ASTN1: variants seen among roughly 807,000 people sequenced by gnomAD.
ASTN1 encodes the protein astrotactin-1.
A neutral mutation model predicts 140.7 loss-of-function variants in ASTN1; 41 were observed. That is an observed-to-expected ratio of 0.29 (90% confidence interval 0.23 to 0.38). ASTN1 has a LOEUF of 0.38. ASTN1 is among the 10% of genes least tolerant of loss of function. The pLI is 1.00. For synonymous variants in ASTN1, 640 were observed against 652.2 expected (o/e 0.98, Z 0.29); for missense variants, 1,479 against 1,678.8 (o/e 0.88, Z 2.08).
intron 9 of ASTN1, among the ~76,000 whole-genome samples, chr1:176,963,547 C>T (rs557143912): frequency 6.6e-6 from 1 of 152,310 alleles, no homozygotes; most frequent in South Asian, 2.1e-4. Flanking sequence ...CTGGCCCCCA[C>T]TATAGTGCTT....
intron 21 of ASTN1, among the ~76,000 whole-genome samples, chr1:176,871,000 G>C (rs146106982): frequency 3.3e-5 from 5 of 152,310 alleles, no homozygotes; most frequent in African/African-American, 1.2e-4. Flanking sequence ...GGGTGAGATG[G>C]AGTCAAAACT....
In ASTN1 at chr1:177,036,912, C is replaced by T. The variant is rs567793506; in HGVS notation, c.472-4063G>A. Among the ~76,000 whole-genome samples, 6 of 152,174 alleles carry T rather than the reference C, an allele frequency of 3.9e-5. No individual in the cohort carries two copies. The South Asian group carries it at 1.2e-3, about 32-fold the overall frequency. On this transcript the variant is annotated intron_variant, in intron 2 of 22. Coordinates refer to ENST00000361833, the MANE Select transcript of ASTN1 (RefSeq NM_004319.3). ...TTGGCCCACTGCAACCTCCATCTCC[C>T]ATGTTCAAGTGATTCTCTCACCTCA...
At chr1:176,991,436 C>CAAAAAAAAAAAAAAAAAAAAAAAAAAACA (rs1173420812) in intron 8 of ASTN1, among the ~76,000 whole-genome samples, 3 of 13,826 alleles carry the variant, frequency 2.2e-4, no homozygotes, top group Admixed American at 9.6e-4. Flanking sequence ...AAAAAAAAAC[C>CAAAAAAAAAAAAAAAAAAAAAAAAAAACA]AAAAAAAAAA....
At chr1:176,907,367 A>T (rs1031087686) in intron 16 of ASTN1, among the ~76,000 whole-genome samples, 1 of 152,240 alleles carries the variant, frequency 6.6e-6, no homozygotes, top group African/African-American at 2.4e-5. Context: ...TAATATCATT[A>T]CTGTTTGGTA....
chr1:176,987,028 T>A (rs1257971683), intron 8 of ASTN1, among the ~76,000 whole-genome samples: 1 of 152,152 alleles, frequency 6.6e-6, no homozygotes, highest in Non-Finnish European at 1.5e-5. Flanking sequence ...GAGACACTTC[T>A]GGTTGTTACA....
chr1:177,102,471 G>A (rs1430250381), intron 1 of ASTN1, among the ~76,000 whole-genome samples: 1 of 152,090 alleles, frequency 6.6e-6, no homozygotes, highest in East Asian at 1.9e-4. Context: ...ACCCTTTGCA[G>A]AAATGTCTGC....
At position 177,038,504 on chromosome 1, in the gene ASTN1, G is replaced by A. The variant is rs536488719; in HGVS notation, c.472-5655C>T. ...AGGAAGGAAAGAAGGAAGGGAAGGAGGGAAGCAAAGAGGGAGGAAGAGAAG... is the reference window on the plus strand; with the variant it reads ...AGGAAGGAAAGAAGGAAGGGAAGGAAGGAAGCAAAGAGGGAGGAAGAGAAG... On this transcript the variant is annotated intron_variant, in intron 2 of 22. Transcript: ENST00000361833. 2.6e-5 allele frequency among the ~76,000 whole-genome samples: 4 copies of A among 152,008 alleles called. No homozygotes were observed. In the East Asian group the frequency reaches 7.7e-4, roughly 29 times the overall value.
intron 8 of ASTN1, among the ~76,000 whole-genome samples, chr1:176,977,077 G>C (rs957958893): frequency 1.3e-5 from 2 of 152,180 alleles, no homozygotes; most frequent in African/African-American, 4.8e-5. Context: ...ATAAGGGACA[G>C]GATGTACAAT....
chr1:176,884,299 C>T, intron 19 of ASTN1, 40 bp downstream of exon 19: 1 of 1,590,452 alleles, frequency 6.3e-7, no homozygotes, highest in Non-Finnish European at 8.6e-7. Context: ...AGTTTTATCA[C>T]CTTGGATCAA....
chr1:177,099,563 G>C (rs1013679771), intron 1 of ASTN1, among the ~76,000 whole-genome samples: 1 of 152,042 alleles, frequency 6.6e-6, no homozygotes, highest in Admixed American at 6.6e-5. Context: ...GAATTTTTCT[G>C]AATGAATAAA....
chr1:176,872,903 A>G (rs1193078263), intron 21 of ASTN1, among the ~76,000 whole-genome samples: 1 of 152,128 alleles, frequency 6.6e-6, no homozygotes, highest in Non-Finnish European at 1.5e-5. Flanking sequence ...ATGTATCTCC[A>G]TAACACGTAT....
At chr1:177,118,763 T>A (rs1681227210) in intron 1 of ASTN1, among the ~76,000 whole-genome samples, 1 of 152,036 alleles carries the variant, frequency 6.6e-6, no homozygotes, top group Non-Finnish European at 1.5e-5. Context: ...GAAATGCAGG[T>A]ATATAGGTAA....
intron 21 of ASTN1, among the ~76,000 whole-genome samples, chr1:176,873,626 A>G (rs777375278): frequency 1.3e-4 from 20 of 152,200 alleles, no homozygotes; most frequent in Admixed American, 6.5e-4. Flanking sequence ...GACAAAGCAT[A>G]TGGTATTTTG....
intron 1 of ASTN1, among the ~76,000 whole-genome samples, chr1:177,106,011 A>G (rs964652430): frequency 6.6e-6 from 1 of 152,114 alleles, no homozygotes; most frequent in African/African-American, 2.4e-5. Flanking sequence ...AACAAAAACG[A>G]AAACAAAAAC....
At chr1:176,990,817 C>A (rs1259875050) in intron 8 of ASTN1, among the ~76,000 whole-genome samples, 4 of 152,122 alleles carry the variant, frequency 2.6e-5, no homozygotes, top group Non-Finnish European at 5.9e-5. Context: ...TAATAAATAT[C>A]AACATCACAT....
intron 14 of ASTN1, among the ~76,000 whole-genome samples, chr1:176,940,058 A>G (rs1176937289): frequency 2.0e-5 from 3 of 152,212 alleles, no homozygotes; most frequent in Admixed American, 1.3e-4. Flanking sequence ...CTAAACCTTC[A>G]CACAGATTTA....
intron 1 of ASTN1, among the ~76,000 whole-genome samples, chr1:177,161,350 C>A (rs1040435218): frequency 2.0e-5 from 3 of 152,236 alleles, no homozygotes; most frequent in Admixed American, 6.5e-5. Flanking sequence ...CCACCAAATG[C>A]CTTTGCTCAT....
At chr1:177,101,123 C>T (rs1190123775) in intron 1 of ASTN1, among the ~76,000 whole-genome samples, 1 of 152,032 alleles carries the variant, frequency 6.6e-6, no homozygotes, top group African/African-American at 2.4e-5. Context: ...AAAGTGAAAA[C>T]CTAGCTTTGG....
Position 176,965,201 on chromosome 1 carries a change from G to A in ASTN1, c.1560C>T (p.Asp520=), listed in dbSNP as rs1317823997. 2 of 1,613,998 alleles carry A rather than the reference G, an allele frequency of 1.2e-6. No homozygotes were observed. The highest frequency in any genetic ancestry group is 2.2e-5 in the East Asian group (1 of 44,880). The change falls in exon 9 of 23, where the codon GAC becomes GAT. Residue 520 remains aspartate (D), a synonymous_variant. Coordinates refer to ENST00000361833, the MANE Select transcript of ASTN1 (RefSeq NM_004319.3). ...WPYTIFQRGF[D]LVLGEQPSDK... ...CAGAGGGCTGCTCTCCCAAAACCAG[G>A]TCAAAGCCTCGCTGAAATATTGTGT...
Sources: allele counts gnomAD v4.1 joint callset (sites outside exome capture counted in the v4.1 genomes callset), GRCh38; gene constraint gnomAD v4.1.1; transcripts MANE v1.5; gene names NCBI Gene and HGNC (gene_info 2026-07-23, HGNC 2026-07-21).